DDX18: variants seen among roughly 807,000 people sequenced by gnomAD.
The protein encoded by DDX18 is DEAD-box helicase 18, also known as ATP-dependent RNA helicase DDX18.
In DDX18, 23 loss-of-function variants were observed where a neutral mutation model predicts 73.5. The ratio of observed to expected loss-of-function variants is 0.31; its 90% CI spans 0.23 to 0.44. The LOEUF is 0.44. Ranked by LOEUF, DDX18 falls within the 20% of genes least tolerant of loss-of-function variation. The probability of loss-of-function intolerance (pLI) is 1.00; values close to 1 mark genes in which losing one functional copy is unlikely to be tolerated. For missense variants in DDX18, 753 were observed against 792.9 expected (o/e 0.95, Z 0.60); for synonymous variants, 268 against 282.7 (o/e 0.95, Z 0.52).
intron 7 of DDX18, 172 bp from the exon 8 acceptor site, chr2:117,824,397 A>T (rs1179853718): frequency 1.1e-5 from 6 of 527,992 alleles, no homozygotes; most frequent in Non-Finnish European, 1.7e-5. Context: ...CCTCAAATTT[A>T]TAGACCTAGT....
Position 117,824,680 on chromosome 2 carries a change from C to T in DDX18, c.1178C>T (p.Ala393Val), listed in dbSNP as rs751122452. 4.1e-6 allele frequency: 6 copies of T among 1,477,848 alleles called. No individual in the cohort carries two copies. Among genetic ancestry groups the T allele is most frequent in the East Asian group, 2.5e-5 (1 of 40,242 alleles). 91.5% of individuals were successfully genotyped at this position (1,477,848 alleles called of 1,614,324 possible). A position where few individuals can be genotyped will look rare whatever the true frequency, so the allele number is the denominator to read the frequency against. The change falls in exon 8 of 14, where the codon GCG becomes GTG. Residue 393 changes from alanine (A) to valine (V), a missense_variant. Physicochemically the swap from Ala to Val is moderately conservative, Grantham distance 64. Transcript: ENST00000263239. ...TATGTTGGCGTTGATGATGATAAAG[C>T]GAATGCAACAGTGGATGGTCTTGAA... Reference protein sequence around the residue: ...PLYVGVDDDKANATVDGLEQG... With the variant: ...PLYVGVDDDKVNATVDGLEQG...
rs1305496560 is a variant in DDX18 at position 117,831,754 on chromosome 2, T to G, written c.*1030T>G. 1 of 151,962 alleles carries G rather than the reference T, an allele frequency of 6.6e-6. No homozygotes were observed. The highest frequency in any genetic ancestry group is 1.5e-5 in the Non-Finnish European group (1 of 67,976). 9.4% of individuals were successfully genotyped at this position (151,962 alleles called of 1,614,324 possible). A position where few individuals can be genotyped will look rare whatever the true frequency, so the allele number is the denominator to read the frequency against. On this transcript the variant is annotated 3_prime_UTR_variant, in exon 14 of 14. Coordinates refer to ENST00000263239, the MANE Select transcript of DDX18 (RefSeq NM_006773.4). ...TGTGAAGATTGAAAATGAACAAAGT[T>G]AGAAAAAAAAACAGCAAAATCAGTG...
rs1361588155 is a variant in DDX18, at chr2:117,824,988, T to C, written c.1255T>C (p.Phe419Leu). ...AAAGAGATTCCTTCTGCTCTTTACA[T>C]TCCTTAAGAAGAACCGAAAGAAGAA... Reference protein sequence around the residue: ...SEKRFLLLFTFLKKNRKKKLM... With the variant: ...SEKRFLLLFTLLKKNRKKKLM... Residue 419 changes from phenylalanine (F) to leucine (L), a missense_variant, in exon 9 of 14, where the codon TTC (phenylalanine) becomes CTC (leucine). Coordinates refer to ENST00000263239, the MANE Select transcript of DDX18 (RefSeq NM_006773.4). The C allele has an allele frequency of 1.2e-6, 2 of 1,613,920 alleles. No individual in the cohort carries two copies. Among genetic ancestry groups the C allele is most frequent in the Non-Finnish European group, 1.7e-6 (2 of 1,179,934 alleles).
At chr2:117,815,119 CT>C in intron 1 of DDX18, 1 of 527,398 alleles carries the variant, frequency 1.9e-6, no homozygotes, top group Non-Finnish European at 3.4e-6. Flanking sequence ...TCCCCGTTCA[CT>C]TCTAGGCTTA....
rs567719544 is a variant in DDX18, at chr2:117,817,818, A to T, written c.370+90A>T. ...TCTATTACTATTGTGTGCACATGACATGAGAATTCCCTGTACTCACCAGTA... is the reference window on the plus strand; with the variant it reads ...TCTATTACTATTGTGTGCACATGACTTGAGAATTCCCTGTACTCACCAGTA... On this transcript the variant is annotated intron_variant, in intron 2 of 13. Coordinates refer to ENST00000263239, the MANE Select transcript of DDX18 (RefSeq NM_006773.4). The T allele has an allele frequency of 4.8e-5, 65 of 1,368,118 alleles. No individual in the cohort carries two copies. In the African/African-American group the frequency reaches 6.6e-4, roughly 14 times the overall value. 84.7% of individuals were successfully genotyped at this position (1,368,118 alleles called of 1,614,324 possible). A position where few individuals can be genotyped will look rare whatever the true frequency, so the allele number is the denominator to read the frequency against.
Position 117,825,582 on chromosome 2 carries a change from C to T in DDX18, c.1504C>T (p.Pro502Ser). The change falls in exon 10 of 14, where the codon CCT becomes TCT. Residue 502 changes from proline to serine, a missense_variant. Pro to Ser is a moderately conservative substitution (Grantham distance 74, BLOSUM62 -1). Transcript: ENST00000263239. ...AGTCGACTGGATTGTTCAGTATGAC[C>T]CTCCGGATGACCCTAAGGTAACTGG... is the stretch of plus-strand genomic sequence containing the variant. The part of the protein sequence containing the change: ...PEVDWIVQYD[P>S]PDDPKEYIHR... 2 of 1,613,976 alleles carry T rather than the reference C, an allele frequency of 1.2e-6. No homozygotes were observed. Among genetic ancestry groups the T allele is most frequent in the Non-Finnish European group, 1.7e-6 (2 of 1,179,936 alleles).
chr2:117,819,579 G>A (rs973422030), intron 2 of DDX18, 70 bp from the exon 3 acceptor site: 49 of 1,282,120 alleles, frequency 3.8e-5, no homozygotes, highest in Non-Finnish European at 5.0e-5. Flanking sequence ...GAGATCTTCT[G>A]TTTGTTGATC....
Position 117,829,323 on chromosome 2 carries a change from A to G in DDX18, c.1727A>G (p.His576Arg), listed in dbSNP as rs558186571. 5 of 1,605,368 alleles carry G rather than the reference A, an allele frequency of 3.1e-6. No homozygotes were observed. Among genetic ancestry groups the G allele is most frequent in the Admixed American group, 1.7e-5 (1 of 57,906 alleles). The change falls in exon 13 of 14, where the codon CAT becomes CGT. Residue 576 changes from histidine (H) to arginine (R), a missense_variant. Physicochemically the swap from His to Arg is conservative, Grantham distance 29 (BLOSUM62 0). Coordinates refer to ENST00000263239, the MANE Select transcript of DDX18 (RefSeq NM_006773.4). ...EKLIEKNYFLHKSAQEAYKSY... is the reference protein window; with the variant it reads ...EKLIEKNYFLRKSAQEAYKSY... ...TTGATTGAAAAGAATTACTTTCTTC[A>G]TAAGTCAGCCCAGGAAGCATATAAG...
At chr2:117,826,169 A>G (rs1679924747) in intron 10 of DDX18, 100 bp from the exon 11 acceptor site, 3 of 958,024 alleles carry the variant, frequency 3.1e-6, no homozygotes, top group Middle Eastern at 3.3e-4. Context: ...GTGGGACTAC[A>G]CCATCTCAGT....
At chr2:117,819,845 A>G (rs1244679297) in intron 3 of DDX18, 53 bp downstream of exon 3, 5 of 1,474,070 alleles carry the variant, frequency 3.4e-6, no homozygotes, top group Non-Finnish European at 4.5e-6. Flanking sequence ...TGCCTCTCTT[A>G]GAGGATTATA....
intron 9 of DDX18, among the ~76,000 whole-genome samples, 163 bp downstream of exon 9, chr2:117,825,264 G>C (rs1326524411): frequency 6.6e-6 from 1 of 152,106 alleles, no homozygotes; most frequent in African/African-American, 2.4e-5. Flanking sequence ...GTGTGGAGGG[G>C]TATGAGGACT....
rs2303348 is a variant in DDX18 at position 117,826,364 on chromosome 2, C to G, written c.1617C>G (p.Arg539=). The G allele has an allele frequency of 1.3e-5, 21 of 1,613,280 alleles. 1 individual carries two copies. In the Middle Eastern group the frequency reaches 8.2e-4, roughly 63 times the overall value. Residue 539 remains arginine (R), a synonymous_variant, in exon 11 of 14, where the codon CGC becomes CGG. Coordinates refer to ENST00000263239, the MANE Select transcript of DDX18 (RefSeq NM_006773.4). ...ILRPEELGFL[R]YLKQSKVPLS... ...GCCCAGAAGAATTGGGTTTTCTTCGCTACTTGAAACAATCCAAGGTAAAGA... is the reference window on the plus strand; with the variant it reads ...GCCCAGAAGAATTGGGTTTTCTTCGGTACTTGAAACAATCCAAGGTAAAGA...
rs1435940914 is a variant in DDX18 at position 117,830,884 on chromosome 2, TC to T, written c.*161del. 3 of 759,232 alleles carry T rather than the reference TC, an allele frequency of 4.0e-6. No individual in the cohort carries two copies. In the East Asian group the frequency reaches 9.0e-5, roughly 23 times the overall value. 47.0% of individuals were successfully genotyped at this position (759,232 alleles called of 1,614,324 possible). On this transcript the variant is annotated 3_prime_UTR_variant, in exon 14 of 14. Coordinates refer to ENST00000263239, the MANE Select transcript of DDX18 (RefSeq NM_006773.4). ...ACTGAGCACTGTTACTTCTATCACG[TC>T]TCTCTTTTATTTCTGGGATATAAAA... is the stretch of plus-strand genomic sequence containing the variant.
At chr2:117,818,585 T>A (rs1679796012) in intron 2 of DDX18, among the ~76,000 whole-genome samples, 1 of 152,202 alleles carries the variant, frequency 6.6e-6, no homozygotes, top group African/African-American at 2.4e-5. Context: ...CCTTCACAAT[T>A]CTTGTTTTGA....
chr2:117,814,917 G>C (rs911372192), intron 1 of DDX18, 55 bp downstream of exon 1: 2 of 1,592,906 alleles, frequency 1.3e-6, no homozygotes, highest in African/African-American at 1.3e-5. Context: ...GCCCTGGCGC[G>C]TTCGGGCGGC....
In DDX18 at chr2:117,826,378, C is replaced by T. The variant is rs1304178493; in HGVS notation, c.1631C>T (p.Ser544Phe). The change falls in exon 11 of 14, where the codon TCC (serine) becomes TTC (phenylalanine). Residue 544 changes from serine to phenylalanine, a missense_variant. By Grantham distance (155) the Ser-to-Phe change is radical. Transcript: ENST00000263239. Reference protein sequence around the residue: ...ELGFLRYLKQSKVPLSEFDFS... With the variant: ...ELGFLRYLKQFKVPLSEFDFS... ...GGTTTTCTTCGCTACTTGAAACAAT[C>T]CAAGGTAAAGATCTGTACTTGGAGA... 1.2e-6 allele frequency: 2 copies of T among 1,613,376 alleles called. No homozygotes were observed. Among genetic ancestry groups the T allele is most frequent in the Non-Finnish European group, 1.7e-6 (2 of 1,179,606 alleles).
At chr2:117,819,348 T>C (rs1320971652) in intron 2 of DDX18, among the ~76,000 whole-genome samples, 1 of 152,190 alleles carries the variant, frequency 6.6e-6, no homozygotes, top group African/African-American at 2.4e-5. Flanking sequence ...TTTTAAGGAT[T>C]ATGTTAATCA....
intron 1 of DDX18, among the ~76,000 whole-genome samples, chr2:117,815,491 A>G (rs1046990417): frequency 2.0e-5 from 3 of 152,176 alleles, no homozygotes; most frequent in South Asian, 4.1e-4. Flanking sequence ...CAGTGGGGCC[A>G]CAGATCTTGA....
chr2:117,819,882 A>C, intron 3 of DDX18, 90 bp downstream of exon 3: 1 of 1,262,222 alleles, frequency 7.9e-7, no homozygotes, highest in Non-Finnish European at 1.0e-6. Flanking sequence ...TGTGACTTTC[A>C]GTTTACCTGA....
Sources: allele counts gnomAD v4.1 joint callset (sites outside exome capture counted in the v4.1 genomes callset), GRCh38; gene constraint gnomAD v4.1.1; transcripts MANE v1.5; gene names NCBI Gene and HGNC (gene_info 2026-07-23, HGNC 2026-07-21).